UVRAG: variants seen among roughly 807,000 people sequenced by gnomAD.
The protein encoded by UVRAG is UV radiation resistance-associated gene protein.
In UVRAG, 19 loss-of-function variants were observed where a neutral mutation model predicts 78.0. The ratio of observed to expected loss-of-function variants is 0.24; its 90% CI spans 0.17 to 0.36. The LOEUF is 0.36. Among genes scored for constraint, UVRAG ranks in the 10% least tolerant of loss-of-function variants. The probability of loss-of-function intolerance (pLI) is 1.00; values close to 1 mark genes in which losing one functional copy is unlikely to be tolerated. For missense variants in UVRAG, 740 were observed against 853.8 expected (o/e 0.87, Z 1.66); for synonymous variants, 323 against 324.6 (o/e 1.00, Z 0.05).
chr11:76,072,805 T>C (rs938985362), intron 13 of UVRAG, among the ~76,000 whole-genome samples: 3 of 152,206 alleles, frequency 2.0e-5, no homozygotes, highest in African/African-American at 7.2e-5. Context: ...TTCACATGAG[T>C]GTGCCAACTG....
intron 12 of UVRAG, among the ~76,000 whole-genome samples, chr11:76,031,925 T>C (rs1365640318): frequency 6.6e-6 from 1 of 152,228 alleles, no homozygotes. Flanking sequence ...TGTTCTGATA[T>C]GAAGTAATCA....
chr11:75,890,993 A>G (rs1947202252), intron 5 of UVRAG, among the ~76,000 whole-genome samples: 1 of 152,150 alleles, frequency 6.6e-6, no homozygotes, highest in Non-Finnish European at 1.5e-5. Context: ...GAGTGATCAA[A>G]TAGGAGGACC....
rs143742390 is a variant in UVRAG at position 75,929,560 on chromosome 11, C to T, written c.593+17521C>T. 7.2e-5 allele frequency among the ~76,000 whole-genome samples: 11 copies of T among 152,244 alleles called. No individual in the cohort carries two copies. The East Asian group carries it at 1.9e-3, about 27-fold the overall frequency. ...AAATCTAAATCTTGGCCTCAGCGTGCTCAGTCATATTTTTATTTTGGGGTG... is the reference window on the plus strand; with the variant it reads ...AAATCTAAATCTTGGCCTCAGCGTGTTCAGTCATATTTTTATTTTGGGGTG... On this transcript the variant is annotated intron_variant, in intron 6 of 14. Transcript: ENST00000356136.
intron 3 of UVRAG, among the ~76,000 whole-genome samples, chr11:75,869,796 T>C (rs1946611838): frequency 6.6e-6 from 1 of 152,222 alleles, no homozygotes; most frequent in South Asian, 2.1e-4. Flanking sequence ...ATCAGTATGC[T>C]ATTCCAGTGA....
At chr11:76,064,786 TA>T (rs1253000189) in intron 12 of UVRAG, among the ~76,000 whole-genome samples, 17 of 152,316 alleles carry the variant, frequency 1.1e-4, no homozygotes, top group African/African-American at 4.1e-4. Context: ...CAATTGAAAT[TA>T]AGACTAGTAA....
rs1212457270 is a variant in UVRAG at position 75,837,093 on chromosome 11, G to C, written c.118-14790G>C. The stretch of plus-strand genomic sequence containing the variant: ...GCCTGTAATCCCAGCACTTTGGGAG[G>C]CCAAGGTGGGTGGATCCTGAGGTCA... On this transcript the variant is annotated intron_variant, in intron 1 of 14. Transcript: ENST00000356136. Among the ~76,000 whole-genome samples, 447 of 152,208 alleles carry C rather than the reference G, an allele frequency of 2.9e-3. 6 individuals are homozygous for C. The East Asian group carries it at 0.074, about 25-fold the overall frequency.
intron 12 of UVRAG, among the ~76,000 whole-genome samples, chr11:76,064,144 A>T (rs766632864): frequency 3.3e-5 from 5 of 152,216 alleles, no homozygotes; most frequent in Non-Finnish European, 5.9e-5. Flanking sequence ...TTGGTTTTCA[A>T]TGTATGCTGA....
chr11:75,833,341 A>G (rs1387496184), intron 1 of UVRAG, among the ~76,000 whole-genome samples: 1 of 152,120 alleles, frequency 6.6e-6, no homozygotes, highest in Non-Finnish European at 1.5e-5. Flanking sequence ...ATAATAGCCC[A>G]TTTTGCTACA....
chr11:76,136,804 G>T (rs1317574587), intron 14 of UVRAG, among the ~76,000 whole-genome samples: 1 of 152,024 alleles, frequency 6.6e-6, no homozygotes. Context: ...GGCCCATAGG[G>T]TTTCTTTAAA....
chr11:75,932,553 G>A (rs2135110351), intron 6 of UVRAG, among the ~76,000 whole-genome samples: 1 of 152,170 alleles, frequency 6.6e-6, no homozygotes, highest in East Asian at 1.9e-4. Context: ...CAAAGTGCTG[G>A]GATTACAGGC....
chr11:76,125,978 C>G (rs1364409117), intron 14 of UVRAG, among the ~76,000 whole-genome samples: 1 of 138,896 alleles, frequency 7.2e-6, no homozygotes, highest in Non-Finnish European at 1.5e-5. Context: ...TAGACAGAGT[C>G]TCGCTCTGTC....
chr11:76,094,765 A>G (rs540261833), intron 13 of UVRAG, among the ~76,000 whole-genome samples: 9 of 151,234 alleles, frequency 6.0e-5, no homozygotes, highest in African/African-American at 2.2e-4. Context: ...TCTTTATTGT[A>G]TATTTGTTTT....
intron 6 of UVRAG, chr11:75,915,063 G>A (rs936775770): frequency 6.6e-6 from 1 of 152,010 alleles, no homozygotes; most frequent in Non-Finnish European, 1.5e-5. Flanking sequence ...GGTCAACATG[G>A]TGAAACCTCA....
At chr11:75,975,732 G>C (rs1234008848) in intron 7 of UVRAG, among the ~76,000 whole-genome samples, 1 of 152,200 alleles carries the variant, frequency 6.6e-6, no homozygotes, top group African/African-American at 2.4e-5. Flanking sequence ...CTGAGACTTT[G>C]CTGCAGTTGC....
At chr11:76,137,901 T>G (rs190217565) in intron 14 of UVRAG, among the ~76,000 whole-genome samples, 23 of 152,280 alleles carry the variant, frequency 1.5e-4, no homozygotes, top group Admixed American at 8.5e-4. Flanking sequence ...AGTGAGACTT[T>G]GTCTCTAAAA....
At chr11:75,821,381 G>A (rs1327249914) in intron 1 of UVRAG, among the ~76,000 whole-genome samples, 3 of 152,114 alleles carry the variant, frequency 2.0e-5, no homozygotes, top group Non-Finnish European at 4.4e-5. Context: ...TCACTCTGTT[G>A]CCCAGGCTAA....
intron 1 of UVRAG, among the ~76,000 whole-genome samples, chr11:75,820,433 C>T (rs1356780148): frequency 2.6e-5 from 4 of 151,686 alleles, no homozygotes; most frequent in Non-Finnish European, 4.4e-5. Flanking sequence ...CCGCTCACCG[C>T]AACCTCCGCC....
intron 14 of UVRAG, among the ~76,000 whole-genome samples, chr11:76,128,324 A>G (rs1346074395): frequency 6.6e-6 from 1 of 152,180 alleles, no homozygotes; most frequent in Non-Finnish European, 1.5e-5. Context: ...ATGATCTGAG[A>G]TGGAATCGTT....
At chr11:75,951,416 C>T (rs936902610) in intron 6 of UVRAG, among the ~76,000 whole-genome samples, 2 of 151,396 alleles carry the variant, frequency 1.3e-5, no homozygotes, top group Non-Finnish European at 2.9e-5. Context: ...GAGTTTCGCT[C>T]TTGTTGCCTA....
Sources: allele counts gnomAD v4.1 joint callset (sites outside exome capture counted in the v4.1 genomes callset), GRCh38; gene constraint gnomAD v4.1.1; transcripts MANE v1.5; gene names NCBI Gene and HGNC (gene_info 2026-07-23, HGNC 2026-07-21).